MYO18B: variants seen among roughly 807,000 people sequenced by gnomAD.
MYO18B encodes unconventional myosin-XVIIIb.
In MYO18B, 204 loss-of-function variants were observed where a neutral mutation model predicts 273.0. The observed-to-expected ratio is 0.75, with a 90% confidence interval of 0.67 to 0.84. The LOEUF is 0.84. Ranked by LOEUF, MYO18B falls within the 40% of genes least tolerant of loss-of-function variation. The pLI, the probability that MYO18B is intolerant of heterozygous loss-of-function variation, is 0.00. For synonymous variants in MYO18B, 1,330 were observed against 1,305.7 expected, an observed-to-expected ratio of 1.02 and a Z score of -0.40; for missense variants, 3,212 against 3,287.6, an observed-to-expected ratio of 0.98 and a Z score of 0.56.
chr22:26,020,777 G>A (rs1458271411), intron 42 of MYO18B, among the ~76,000 whole-genome samples: 1 of 152,068 alleles, frequency 6.6e-6, no homozygotes, highest in Non-Finnish European at 1.5e-5. Context: ...TTACACCTGT[G>A]CAAGTTCAGG....
Position 25,781,718 on chromosome 22 carries a change from T to C in MYO18B, c.2212-16T>C, listed in dbSNP as rs1217502997. The C allele has an allele frequency of 2.0e-6, 3 of 1,498,376 alleles. No homozygotes were observed. The highest frequency in any genetic ancestry group is 1.4e-5 in the South Asian group (1 of 72,552). 92.8% of individuals were successfully genotyped at this position (1,498,376 alleles called of 1,614,324 possible). ...ACCCAAAGCACTGACTGGGTGCCCCTCTTCTCTCCCTGCAGACAATGCTTT... is the reference window on the plus strand; with the variant it reads ...ACCCAAAGCACTGACTGGGTGCCCCCCTTCTCTCCCTGCAGACAATGCTTT... On this transcript the variant is annotated splice_polypyrimidine_tract_variant and intron_variant, in intron 9 of 43. Transcript: ENST00000335473.
At chr22:25,928,330 G>A (rs1192339743) in intron 34 of MYO18B, among the ~76,000 whole-genome samples, 2 of 148,166 alleles carry the variant, frequency 1.3e-5, no homozygotes, top group Non-Finnish European at 3.0e-5. Flanking sequence ...CACTTTGGGA[G>A]ACAGAGGGAG....
chr22:25,908,902 C>G (rs1308052189), intron 32 of MYO18B, among the ~76,000 whole-genome samples: 1 of 152,214 alleles, frequency 6.6e-6, no homozygotes, highest in African/African-American at 2.4e-5. Flanking sequence ...TTATAGCTCT[C>G]TTTCACTCTC....
In MYO18B at chr22:25,802,834, C is replaced by T. The variant is rs1349494317; in HGVS notation, c.2521+4737C>T. On this transcript the variant is annotated intron_variant, in intron 12 of 43. Transcript: ENST00000335473. ...ACCCATCCCTAAGCAATGCTTTCCC[C>T]CAGCCATAAACAACCATGAATCTAC... 4.6e-5 allele frequency among the ~76,000 whole-genome samples: 7 copies of T among 152,090 alleles called. No individual in the cohort carries two copies. In the East Asian group the frequency reaches 5.8e-4, roughly 13 times the overall value.
chr22:25,776,617 AAAAC>A (rs1186143555), intron 7 of MYO18B, among the ~76,000 whole-genome samples: 3 of 152,116 alleles, frequency 2.0e-5, no homozygotes, highest in South Asian at 4.1e-4. Context: ...AACAAAAACA[AAAAC>A]AAAAAAACAA....
the MYO18B span, among the ~76,000 whole-genome samples, chr22:26,042,401 G>A: frequency 6.6e-6 from 1 of 152,332 alleles, no homozygotes; most frequent in South Asian, 2.1e-4. Flanking sequence ...CCCCCGGCCT[G>A]CCCTTGCAAA....
intron 3 of MYO18B, 113 bp downstream of exon 3, chr22:25,763,502 T>G: frequency 7.9e-7 from 1 of 1,269,760 alleles, no homozygotes; most frequent in Non-Finnish European, 1.1e-6. Flanking sequence ...GTCCTGGTTT[T>G]GAGGAATGTC....
chr22:25,833,026 C>T (rs1212965371), intron 16 of MYO18B, 29 bp downstream of exon 16: 3 of 1,595,386 alleles, frequency 1.9e-6, no homozygotes, highest in South Asian at 1.1e-5. Context: ...AATCCAGGCT[C>T]TCAGATGCCA....
Position 25,846,291 on chromosome 22 carries a change from G to A in MYO18B, c.3552+8G>A, listed in dbSNP as rs371667958. On this transcript the variant is annotated splice_region_variant and intron_variant, in intron 19 of 43. Coordinates refer to ENST00000335473, the MANE Select transcript of MYO18B (RefSeq NM_032608.7). Reference sequence around the variant, plus strand: ...CAGATCAAGCTGCAGATGGTGAGTGGGCACCCTGTCTCATGGTGTCCTGGC... The same window carrying A: ...CAGATCAAGCTGCAGATGGTGAGTGAGCACCCTGTCTCATGGTGTCCTGGC... 1.9e-6 allele frequency: 3 copies of A among 1,610,312 alleles called. No homozygotes were observed. The highest frequency in any genetic ancestry group is 1.7e-6 in the Non-Finnish European group (2 of 1,179,644).
At chr22:25,991,597 G>A (rs1569271775) in intron 39 of MYO18B, among the ~76,000 whole-genome samples, 1 of 152,198 alleles carries the variant, frequency 6.6e-6, no homozygotes, top group Non-Finnish European at 1.5e-5. Context: ...GTACCAGAAA[G>A]TATTGATCAC....
chr22:25,867,867 G>A (rs1303235384), intron 21 of MYO18B, among the ~76,000 whole-genome samples: 8 of 152,100 alleles, frequency 5.3e-5, no homozygotes, highest in South Asian at 2.1e-4. Flanking sequence ...TCCTGACCTC[G>A]TGATCCGCCC....
At chr22:25,931,910 G>A (rs1043192339) in intron 34 of MYO18B, among the ~76,000 whole-genome samples, 1 of 148,974 alleles carries the variant, frequency 6.7e-6, no homozygotes, top group African/African-American at 2.5e-5. Flanking sequence ...TTGTTTGTTT[G>A]TTTTTTTGTA....
chr22:25,866,368 A>T (rs2090886315), intron 21 of MYO18B, among the ~76,000 whole-genome samples: 1 of 152,116 alleles, frequency 6.6e-6, no homozygotes. Flanking sequence ...AGCCTGCACC[A>T]CTATTTGACA....
At chr22:25,986,668 A>C (rs541065741) in intron 39 of MYO18B, among the ~76,000 whole-genome samples, 1 of 152,360 alleles carries the variant, frequency 6.6e-6, no homozygotes, top group South Asian at 2.1e-4. Flanking sequence ...ATCAGGTTTC[A>C]GGATATACCC....
the MYO18B span, among the ~76,000 whole-genome samples, chr22:26,061,398 C>G: frequency 6.6e-6 from 1 of 152,154 alleles, no homozygotes; most frequent in African/African-American, 2.4e-5. Context: ...CTGTTTTCCA[C>G]CTTGATGGGG....
chr22:25,776,670 A>G (rs1273350836), intron 7 of MYO18B, among the ~76,000 whole-genome samples: 1 of 152,218 alleles, frequency 6.6e-6, no homozygotes, highest in Non-Finnish European at 1.5e-5. Flanking sequence ...GTTGAAGGAC[A>G]TTTGTGTTGT....
At chr22:26,038,762 G>A in the MYO18B span, among the ~76,000 whole-genome samples, 14 of 152,286 alleles carry the variant, frequency 9.2e-5, no homozygotes, top group Admixed American at 5.2e-4. Flanking sequence ...TTGGTAATGC[G>A]TGACTGACCT....
In MYO18B at chr22:25,911,051, G is replaced by C; in HGVS notation, c.5364+1G>C. The C allele has an allele frequency of 6.3e-7, 1 of 1,596,044 alleles. No individual in the cohort carries two copies. ...CTTGATCGGAACCCTCTGTGACCAG[G>C]TAAGGGGGAGACATTGGCAGACATT... On this transcript the variant is annotated splice_donor_variant, in intron 33 of 43. Transcript: ENST00000335473. LOFTEE classifies it high-confidence loss of function.
intron 43 of MYO18B, among the ~76,000 whole-genome samples, 177 bp from the exon 44 acceptor site, chr22:26,030,266 A>G (rs1298324263): frequency 6.6e-6 from 1 of 152,184 alleles, no homozygotes; most frequent in Non-Finnish European, 1.5e-5. Flanking sequence ...AATCCTAGCT[A>G]CTTGGGAGGC....
Sources: gnomAD v4.1 joint callset for allele counts (sites outside exome capture counted in the v4.1 genomes callset) on GRCh38, gnomAD v4.1.1 for gene constraint, MANE v1.5 for transcripts, NCBI Gene and HGNC (gene_info 2026-07-23, HGNC 2026-07-21) for gene names.